Variants in OPCML observed in about 807,000 individuals in gnomAD.
OPCML encodes the protein opioid binding protein/cell adhesion molecule like, also known as opioid-binding protein/cell adhesion molecule.
Under a neutral mutation model 37.8 loss-of-function variants are expected in OPCML, and 13 were observed. The observed-to-expected ratio is 0.34, with a 90% CI of 0.22 to 0.55. The LOEUF (loss-of-function observed/expected upper bound fraction) is 0.55, where lower values mean the gene tolerates loss of function less well. Ranked by LOEUF, OPCML falls within the 20% of genes least tolerant of loss-of-function variation. The pLI, the probability that OPCML is intolerant of heterozygous loss-of-function variation, is 0.91. For synonymous variants in OPCML, 176 were observed against 168.8 expected, an observed-to-expected ratio of 1.04 and a Z score of -0.33; for missense variants, 341 against 435.6, an observed-to-expected ratio of 0.78 and a Z score of 1.93.
At chr11:133,266,349 C>A (rs1941658869) in intron 1 of OPCML, among the ~76,000 whole-genome samples, 1 of 152,160 alleles carries the variant, frequency 6.6e-6, no homozygotes, top group Non-Finnish European at 1.5e-5. Context: ...GGAGCCCTCA[C>A]CAACCTCCAA....
intron 1 of OPCML, among the ~76,000 whole-genome samples, chr11:133,023,618 T>C (rs773880508): frequency 6.6e-6 from 1 of 152,200 alleles, no homozygotes; most frequent in Non-Finnish European, 1.5e-5. Flanking sequence ...GGACTTCTCA[T>C]AATTCTACGC....
intron 1 of OPCML, among the ~76,000 whole-genome samples, chr11:133,347,315 G>A (rs1455858028): frequency 6.6e-6 from 1 of 152,188 alleles, no homozygotes; most frequent in Non-Finnish European, 1.5e-5. Context: ...CCCGGGAGCT[G>A]CAACTGGTTT....
chr11:133,235,039 G>T (rs189246629), intron 1 of OPCML, among the ~76,000 whole-genome samples: 114 of 152,188 alleles, frequency 7.5e-4, no homozygotes, highest in Admixed American at 1.8e-3. Flanking sequence ...TTGAATGACC[G>T]ACAGCAGTAT....
intron 1 of OPCML, chr11:133,007,103 T>A (rs1947128586): frequency 1.0e-6 from 1 of 985,412 alleles, no homozygotes; most frequent in African/African-American, 1.7e-5. Context: ...AGAGGAGACA[T>A]CCCCTAGAGC....
At position 132,794,899 on chromosome 11, in the gene OPCML, T is replaced by TA. The variant is rs55742457; in HGVS notation, c.147-137581dup. On this transcript the variant is annotated intron_variant, in intron 2 of 7. Transcript: ENST00000524381. The stretch of plus-strand genomic sequence containing the variant: ...AACAAAAACATGAAAATATCATGAG[T>TA]AAAAAAAAAAAAAAAGAAACTATAA... 6.8e-4 allele frequency among the ~76,000 whole-genome samples: 96 copies of TA among 140,772 alleles called. 1 individual carries two copies. The highest frequency in any genetic ancestry group is 2.5e-3 in the South Asian group (11 of 4,362). 92.4% of individuals were successfully genotyped at this position (140,772 alleles called of 152,430 possible).
At chr11:132,864,883 C>T (rs1320704791) in intron 2 of OPCML, among the ~76,000 whole-genome samples, 1 of 152,180 alleles carries the variant, frequency 6.6e-6, no homozygotes, top group Non-Finnish European at 1.5e-5. Context: ...CAGCATCTAC[C>T]CTGGGCCAGG....
At chr11:133,031,689 G>A (rs745438286) in intron 1 of OPCML, among the ~76,000 whole-genome samples, 3 of 152,040 alleles carry the variant, frequency 2.0e-5, no homozygotes, top group Non-Finnish European at 2.9e-5. Flanking sequence ...GTGGCTATAG[G>A]TTTCACTTCT....
chr11:133,286,045 G>T (rs1438758662), intron 1 of OPCML, among the ~76,000 whole-genome samples: 2 of 151,980 alleles, frequency 1.3e-5, no homozygotes, highest in African/African-American at 2.4e-5. Flanking sequence ...TTCCTTGAAA[G>T]GGGGAGACAA....
At chr11:132,890,681 C>CT (rs1256102895) in intron 2 of OPCML, among the ~76,000 whole-genome samples, 3 of 122,122 alleles carry the variant, frequency 2.5e-5, no homozygotes, top group Non-Finnish European at 5.3e-5. Flanking sequence ...CCTGTCTCTA[C>CT]TAAAAAAAAA....
chr11:132,879,236 A>G (rs1469213465), intron 2 of OPCML, among the ~76,000 whole-genome samples: 1 of 152,230 alleles, frequency 6.6e-6, no homozygotes, highest in Non-Finnish European at 1.5e-5. Flanking sequence ...CACCTAGACA[A>G]GAAAGACATA....
At chr11:132,496,583 G>C (rs1217867472) in intron 4 of OPCML, among the ~76,000 whole-genome samples, 1 of 152,194 alleles carries the variant, frequency 6.6e-6, no homozygotes, top group African/African-American at 2.4e-5. Flanking sequence ...TTCCTGGCTT[G>C]GGCCAAGGAG....
At chr11:133,175,621 C>A in intron 1 of OPCML, among the ~76,000 whole-genome samples, 1 of 149,020 alleles carries the variant, frequency 6.7e-6, no homozygotes, top group East Asian at 2.0e-4. Context: ...CAGAAAAGGA[C>A]AAAGAGCCTT....
intron 1 of OPCML, among the ~76,000 whole-genome samples, chr11:133,453,971 A>C (rs1473438922): frequency 2.0e-5 from 3 of 152,168 alleles, no homozygotes; most frequent in Admixed American, 2.0e-4. Context: ...AAAAAATAGA[A>C]TTTCTGTCTG....
chr11:133,140,876 A>AAGGAGAAGGAGAAGG (rs1299498405), intron 1 of OPCML, among the ~76,000 whole-genome samples: 1 of 46,840 alleles, frequency 2.1e-5, no homozygotes, highest in Non-Finnish European at 6.5e-5. Context: ...GACGACGAAG[A>AAGGAGAAGGAGAAGG]AGACGACGAC....
At chr11:132,559,499 G>A (rs1398781736) in intron 3 of OPCML, among the ~76,000 whole-genome samples, 2 of 152,150 alleles carry the variant, frequency 1.3e-5, no homozygotes, top group South Asian at 2.1e-4. Flanking sequence ...ACCTCTGGAC[G>A]CCACCAGCTT....
At chr11:133,441,981 T>A (rs763850390) in intron 1 of OPCML, among the ~76,000 whole-genome samples, 36 of 152,164 alleles carry the variant, frequency 2.4e-4, no homozygotes, top group Non-Finnish European at 5.1e-4. Context: ...AATAAAATGC[T>A]AATAATAATA....
intron 4 of OPCML, among the ~76,000 whole-genome samples, chr11:132,472,400 G>A (rs2096140799): frequency 6.6e-6 from 1 of 152,148 alleles, no homozygotes; most frequent in Non-Finnish European, 1.5e-5. Context: ...TTTCTGGCAG[G>A]CTTATCCATC....
At chr11:132,511,271 A>C (rs968019425) in intron 4 of OPCML, among the ~76,000 whole-genome samples, 9 of 152,254 alleles carry the variant, frequency 5.9e-5, no homozygotes, top group Non-Finnish European at 1.2e-4. Context: ...GTTGAGAAAA[A>C]TTAGCCAAGA....
At chr11:133,355,409 C>A (rs1944260068) in intron 1 of OPCML, among the ~76,000 whole-genome samples, 1 of 152,168 alleles carries the variant, frequency 6.6e-6, no homozygotes, top group Non-Finnish European at 1.5e-5. Flanking sequence ...GGTTGAGAAT[C>A]AAAGATCCAG....
Sources: gnomAD v4.1 joint callset for allele counts (sites outside exome capture counted in the v4.1 genomes callset) on GRCh38, gnomAD v4.1.1 for gene constraint, MANE v1.5 for transcripts, NCBI Gene and HGNC (gene_info 2026-07-23, HGNC 2026-07-21) for gene names.